CFAP54: variants seen among roughly 807,000 people sequenced by gnomAD.
CFAP54 encodes cilia- and flagella-associated protein 54.
Under a neutral mutation model 370.4 loss-of-function variants are expected in CFAP54, and 290 were observed. That is an observed-to-expected ratio of 0.78 (90% CI 0.71 to 0.86). The LOEUF is 0.86. Among genes scored for constraint, CFAP54 ranks in the 40% least tolerant of loss-of-function variants. The pLI is 0.00. For synonymous variants in CFAP54, 1,206 were observed against 1,236.5 expected (o/e 0.98, Z 0.52); for missense variants, 3,399 against 3,528.7 (o/e 0.96, Z 0.93).
chr12:96,512,304 TATATA>T (rs1955179346), intron 4 of CFAP54, among the ~76,000 whole-genome samples: 2 of 6,824 alleles, frequency 2.9e-4, no homozygotes, highest in African/African-American at 8.2e-4. Context: ...ACCAATTTTA[TATATA>T]TATATATATA....
intron 36 of CFAP54, among the ~76,000 whole-genome samples, chr12:96,656,095 T>G (rs1956919745): frequency 6.6e-6 from 1 of 152,202 alleles, no homozygotes; most frequent in Non-Finnish European, 1.5e-5. Context: ...TTGTAAGTGT[T>G]AGAACTTTTC....
At chr12:96,707,695 T>G (rs996246768) in intron 47 of CFAP54, among the ~76,000 whole-genome samples, 1 of 151,630 alleles carries the variant, frequency 6.6e-6, no homozygotes, top group African/African-American at 2.4e-5. Context: ...GAGAAAGGAG[T>G]GAAGGCCTAA....
rs1289495058 is a variant in CFAP54, at chr12:96,793,699, A to G, written c.8850+1200A>G. Among the ~76,000 whole-genome samples, 4 of 152,132 alleles carry G rather than the reference A, an allele frequency of 2.6e-5. No individual in the cohort carries two copies. In the East Asian group the frequency reaches 7.7e-4, roughly 29 times the overall value. On this transcript the variant is annotated intron_variant, in intron 63 of 67. Coordinates refer to ENST00000524981, the MANE Select transcript of CFAP54 (RefSeq NM_001306084.2). ...AGTGTAAAAGTGTTCCCTTTTCACC[A>G]CATCCATGCCAACATCTATTATTTT...
At chr12:96,503,072 TTCTTTCTTTC>T (rs1180925602) in intron 2 of CFAP54, among the ~76,000 whole-genome samples, 8 of 103,778 alleles carry the variant, frequency 7.7e-5, no homozygotes, top group African/African-American at 3.8e-4. Context: ...CTCTCTCTCT[TTCTTTCTTTC>T]TCTTTCTTTC....
At chr12:96,681,153 A>G (rs937240192) in intron 40 of CFAP54, among the ~76,000 whole-genome samples, 5 of 151,390 alleles carry the variant, frequency 3.3e-5, no homozygotes, top group Admixed American at 3.3e-4. Context: ...TAAGGGCATA[A>G]ATAAAAAGGC....
chr12:96,850,794 G>T (rs117100702), intron 66 of CFAP54, among the ~76,000 whole-genome samples: 1 of 152,166 alleles, frequency 6.6e-6, no homozygotes, highest in African/African-American at 2.4e-5. Context: ...ATGGCAGCAG[G>T]CAAGAGAGAG....
chr12:96,764,709 G>A (rs1484475226), intron 59 of CFAP54, among the ~76,000 whole-genome samples: 2 of 152,190 alleles, frequency 1.3e-5, no homozygotes, highest in African/African-American at 4.8e-5. Context: ...GTTATGTTTA[G>A]TGTTTTCAAT....
intron 38 of CFAP54, 31 bp from the exon 39 acceptor site, chr12:96,663,799 C>G (rs572632452): frequency 6.7e-7 from 1 of 1,496,646 alleles, no homozygotes; most frequent in Non-Finnish European, 9.3e-7. Context: ...AAATACCCGA[C>G]TAATATTTGT....
intron 49 of CFAP54, 94 bp downstream of exon 49, chr12:96,718,616 TTGTG>T: frequency 1.3e-5 from 9 of 707,010 alleles, no homozygotes; most frequent in Admixed American, 2.9e-5. Context: ...ATGCTTGCTC[TTGTG>T]AGAGCAGTTA....
rs1956555499 is a variant in CFAP54 at position 96,626,948 on chromosome 12, A to C, written c.4103+9A>C. The C allele has an allele frequency of 7.4e-7, 1 of 1,345,698 alleles. No individual in the cohort carries two copies. Among genetic ancestry groups the C allele is most frequent in the Non-Finnish European group, 9.6e-7 (1 of 1,040,910 alleles). The allele number at this position is 1,345,698 out of a possible 1,614,324, so 83.4% of individuals were successfully genotyped here. On this transcript the variant is annotated intron_variant, in intron 30 of 67. Coordinates refer to ENST00000524981, the MANE Select transcript of CFAP54 (RefSeq NM_001306084.2). ...CATGACTTCTTGAAAAGGTACTTGC[A>C]ATTATCAGTGTTATACATGTTAACA...
intron 1 of CFAP54, among the ~76,000 whole-genome samples, chr12:96,494,948 A>G (rs1183131572): frequency 6.6e-6 from 1 of 151,968 alleles, no homozygotes; most frequent in Non-Finnish European, 1.5e-5. Context: ...GATGGTCTCG[A>G]TATCTTGACC....
Position 96,684,692 on chromosome 12 carries a change from T to C in CFAP54, c.5761T>C (p.Leu1921=), listed in dbSNP as rs757197063. The change falls in exon 41 of 68, where the codon TTG becomes CTG. Residue 1921 remains leucine, a synonymous_variant. Transcript: ENST00000524981. ...SNQRSLKVQA[L]HSLGSLLIFA... Reference sequence around the variant, plus strand: ...TCAAAGAAGTCTTAAAGTTCAGGCGTTGCATTCACTTGGAAGTCTTCTCAT... The same window carrying C: ...TCAAAGAAGTCTTAAAGTTCAGGCGCTGCATTCACTTGGAAGTCTTCTCAT... 1.9e-6 allele frequency: 3 copies of C among 1,613,410 alleles called. No individual in the cohort carries two copies. In the South Asian group the frequency reaches 3.3e-5, roughly 18 times the overall value.
intron 33 of CFAP54, chr12:96,646,161 G>A (rs551181109): frequency 6.6e-6 from 1 of 152,092 alleles, no homozygotes; most frequent in Non-Finnish European, 1.5e-5. Flanking sequence ...AGAGTGAACA[G>A]GCAACCTACA....
intron 40 of CFAP54, among the ~76,000 whole-genome samples, chr12:96,681,688 C>T (rs1159462672): frequency 6.6e-6 from 1 of 152,066 alleles, no homozygotes; most frequent in East Asian, 1.9e-4. Flanking sequence ...GCCTCAGCCT[C>T]TGCCTCCTGG....
chr12:96,650,814 C>A (rs934006656), intron 35 of CFAP54, among the ~76,000 whole-genome samples: 2 of 152,138 alleles, frequency 1.3e-5, no homozygotes, highest in Non-Finnish European at 2.9e-5. Context: ...CTGCTTTGAC[C>A]ATAAGCATCG....
chr12:96,512,301 T>TATATATA (rs1955178631), intron 4 of CFAP54, among the ~76,000 whole-genome samples: 5 of 31,136 alleles, frequency 1.6e-4, no homozygotes, highest in East Asian at 1.3e-3. Flanking sequence ...GGAACCAATT[T>TATATATA]TATATATATA....
chr12:96,497,943 G>A (rs1954976189), intron 1 of CFAP54, among the ~76,000 whole-genome samples: 1 of 152,182 alleles, frequency 6.6e-6, no homozygotes, highest in Admixed American at 6.5e-5. Context: ...AGCTTTCAAT[G>A]AATGATCTCT....
At chr12:96,703,163 C>G (rs1405856403) in intron 46 of CFAP54, among the ~76,000 whole-genome samples, 1 of 152,106 alleles carries the variant, frequency 6.6e-6, no homozygotes, top group African/African-American at 2.4e-5. Flanking sequence ...AAAGCAGATC[C>G]TGAGACTAGG....
At chr12:96,704,425 TA>T (rs36091904) in intron 46 of CFAP54, among the ~76,000 whole-genome samples, 35,116 of 68,188 alleles carry the variant, frequency 0.51, 9,284 homozygotes, top group East Asian at 0.77. Flanking sequence ...AGACTCGGTC[TA>T]AAAAAAAAAA....
Sources: allele counts gnomAD v4.1 joint callset (sites outside exome capture counted in the v4.1 genomes callset), GRCh38; gene constraint gnomAD v4.1.1; transcripts MANE v1.5; gene names NCBI Gene and HGNC (gene_info 2026-07-23, HGNC 2026-07-21).